IL1RAPL2: variants seen among roughly 807,000 people sequenced by gnomAD.
The protein encoded by IL1RAPL2 is X-linked interleukin-1 receptor accessory protein-like 2.
In IL1RAPL2, 3 loss-of-function variants were observed where a neutral mutation model predicts 44.1. The observed-to-expected ratio is 0.07, with a 90% CI of 0.03 to 0.18. The LOEUF (loss-of-function observed/expected upper bound fraction) is 0.18. Ranked by LOEUF, IL1RAPL2 falls within the 10% of genes least tolerant of loss-of-function variation. The pLI, the probability that IL1RAPL2 is intolerant of heterozygous loss-of-function variation, is 1.00. For missense variants in IL1RAPL2, 391 were observed against 496.4 expected (o/e 0.79, Z 2.02); for synonymous variants, 181 against 178.8 (o/e 1.01, Z -0.10).
intron 2 of IL1RAPL2, among the ~76,000 whole-genome samples, chrX:105,027,136 T>A (rs1038058239): frequency 9.0e-6 from 1 of 111,343 alleles, no homozygotes; most frequent in African/African-American, 3.3e-5. Flanking sequence ...AGAGAGAAAC[T>A]AGGCCCCTGT....
At chrX:104,961,096 AC>A (rs1302765996) in intron 2 of IL1RAPL2, among the ~76,000 whole-genome samples, 2 of 111,571 alleles carry the variant, frequency 1.8e-5, no homozygotes, top group Non-Finnish European at 3.8e-5. Flanking sequence ...TGGATGACAG[AC>A]AGAAGAGTAG....
chrX:104,667,918 G>A (rs1379425718), intron 2 of IL1RAPL2, among the ~76,000 whole-genome samples: 1 of 111,709 alleles, frequency 9.0e-6, no homozygotes, highest in Admixed American at 9.5e-5. Flanking sequence ...AGCTGGGTGT[G>A]AGGGTGATTA....
chrX:105,559,899 T>C (rs2036922004), intron 6 of IL1RAPL2, among the ~76,000 whole-genome samples: 1 of 111,530 alleles, frequency 9.0e-6, no homozygotes, highest in Admixed American at 9.6e-5. Flanking sequence ...CTTGTGTCAT[T>C]GTCTTTCTCT....
At chrX:104,584,477 C>T (rs1174795421) in intron 1 of IL1RAPL2, among the ~76,000 whole-genome samples, 1 of 109,774 alleles carries the variant, frequency 9.1e-6, no homozygotes, top group African/African-American at 3.3e-5. Flanking sequence ...AAGCTTAGTC[C>T]TGTGTGAACT....
At chrX:104,814,551 C>G (rs181218417) in intron 2 of IL1RAPL2, among the ~76,000 whole-genome samples, 9 of 111,907 alleles carry the variant, frequency 8.0e-5, no homozygotes, top group African/African-American at 2.6e-4. Context: ...AGACCTGCCA[C>G]CTTATTGTAC....
chrX:104,800,888 C>A (rs188632489), intron 2 of IL1RAPL2, among the ~76,000 whole-genome samples: 132 of 112,226 alleles, frequency 1.2e-3, no homozygotes, highest in African/African-American at 4.2e-3. Flanking sequence ...GTAGTGGGGG[C>A]AATCTGAGAA....
chrX:104,765,198 G>GT (rs1012709149), intron 2 of IL1RAPL2, among the ~76,000 whole-genome samples: 1 of 111,065 alleles, frequency 9.0e-6, no homozygotes, highest in South Asian at 3.7e-4. Flanking sequence ...GTTTTGTTTT[G>GT]TTTTTTACTG....
intron 6 of IL1RAPL2, among the ~76,000 whole-genome samples, chrX:105,647,369 A>AG (rs35671270): frequency 1.8e-5 from 2 of 112,044 alleles, no homozygotes; most frequent in African/African-American, 6.5e-5. Context: ...GGGGACCTAA[A>AG]GGGGGTTCCC....
At chrX:105,124,267 A>G (rs1569387465) in intron 2 of IL1RAPL2, among the ~76,000 whole-genome samples, 1 of 110,158 alleles carries the variant, frequency 9.1e-6, no homozygotes, top group African/African-American at 3.3e-5. Context: ...GGGGGGTTAG[A>G]GTAGGTCATA....
chrX:105,638,429 C>A (rs896708704), intron 6 of IL1RAPL2, among the ~76,000 whole-genome samples: 1 of 110,868 alleles, frequency 9.0e-6, no homozygotes, highest in Non-Finnish European at 1.9e-5. Flanking sequence ...AGGAAGACAA[C>A]CTTTTACCTC....
chrX:104,585,349 ATATT>A (rs372685671), intron 1 of IL1RAPL2, among the ~76,000 whole-genome samples: 208 of 15,261 alleles, frequency 0.014, 12 homozygotes, highest in African/African-American at 0.049. Context: ...TATATTATAT[ATATT>A]ATATATATTA....
chrX:104,777,592 T>TATTA (rs1932740508), intron 2 of IL1RAPL2, among the ~76,000 whole-genome samples: 1 of 97,233 alleles, frequency 1.0e-5, no homozygotes, highest in African/African-American at 3.7e-5. Context: ...TTATTATTAT[T>TATTA]TTGAGACAGA....
chrX:105,471,037 A>T (rs1332699094), intron 5 of IL1RAPL2, among the ~76,000 whole-genome samples: 1 of 112,007 alleles, frequency 8.9e-6, no homozygotes, highest in Non-Finnish European at 1.9e-5. Flanking sequence ...CTGTGGGGTA[A>T]TTAATTGGGT....
intron 6 of IL1RAPL2, among the ~76,000 whole-genome samples, chrX:105,654,382 C>T (rs1469336649): frequency 9.0e-6 from 1 of 111,146 alleles, no homozygotes; most frequent in Non-Finnish European, 1.9e-5. Context: ...TCTTTTATCC[C>T]CTTTAATCTC....
At chrX:105,706,663 G>C (rs967545336) in intron 6 of IL1RAPL2, among the ~76,000 whole-genome samples, 1 of 111,197 alleles carries the variant, frequency 9.0e-6, no homozygotes, top group Admixed American at 9.6e-5. Flanking sequence ...AGCCCTGGAG[G>C]ATACAAGAGA....
intron 3 of IL1RAPL2, among the ~76,000 whole-genome samples, chrX:105,212,341 G>A (rs1556159112): frequency 8.9e-6 from 1 of 112,092 alleles, no homozygotes; most frequent in East Asian, 2.8e-4. Context: ...TGCTAAGGAG[G>A]CTGGGAGGTA....
intron 6 of IL1RAPL2, among the ~76,000 whole-genome samples, chrX:105,575,255 T>C (rs750323365): frequency 9.0e-6 from 1 of 110,903 alleles, no homozygotes; most frequent in East Asian, 2.8e-4. Flanking sequence ...GGGGGCTTGG[T>C]GTACAGATTA....
intron 7 of IL1RAPL2, among the ~76,000 whole-genome samples, chrX:105,727,957 TC>T (rs967438491): frequency 9.0e-6 from 1 of 110,822 alleles, no homozygotes; most frequent in African/African-American, 3.3e-5. Context: ...CCCACAAGAC[TC>T]CCCCCACTAT....
chrX:105,162,416 A>G (rs1169726790), intron 2 of IL1RAPL2, among the ~76,000 whole-genome samples: 6 of 112,210 alleles, frequency 5.3e-5, no homozygotes, highest in Non-Finnish European at 9.4e-5. Flanking sequence ...AAAGCACTCA[A>G]ATCAGGCACA....
Sources: gnomAD v4.1 joint callset for allele counts (sites outside exome capture counted in the v4.1 genomes callset) on GRCh38, gnomAD v4.1.1 for gene constraint, MANE v1.5 for transcripts, NCBI Gene and HGNC (gene_info 2026-07-23, HGNC 2026-07-21) for gene names.